The following PFKP variants were observed in gnomAD, a reference collection of about 807,000 sequenced individuals.
PFKP encodes phosphofructokinase, platelet.
Under a neutral mutation model 94.3 loss-of-function variants are expected in PFKP, and 101 were observed. The observed-to-expected ratio is 1.07, with a 90% confidence interval of 0.91 to 1.26. The LOEUF is 1.26. Among genes scored for constraint, PFKP ranks in the 50% most tolerant of loss-of-function variants. PFKP has a pLI of 0.00. For missense variants in PFKP, 1,145 were observed against 1,103.3 expected (o/e 1.04, Z -0.53); for synonymous variants, 573 against 432.6 (o/e 1.32, Z -4.03).
At chr10:3,105,262 T>C in intron 6 of PFKP, 103 bp downstream of exon 6, 2 of 1,362,906 alleles carry the variant, frequency 1.5e-6, no homozygotes, top group Admixed American at 1.7e-5. Flanking sequence ...CCGTGGAAAG[T>C]CCTGAAGGGG....
At chr10:3,114,716 A>G (rs541925157) in intron 13 of PFKP, among the ~76,000 whole-genome samples, 9 of 152,336 alleles carry the variant, frequency 5.9e-5, no homozygotes, top group Non-Finnish European at 2.9e-5. Context: ...GGTGGAGGGA[A>G]AGGATGCTCT....
chr10:3,116,942 T>A (rs1836892886), intron 14 of PFKP, 96 bp downstream of exon 14: 1 of 971,834 alleles, frequency 1.0e-6, no homozygotes, highest in African/African-American at 1.6e-5. Flanking sequence ...CCAGTTGGAT[T>A]CCTGGAAAGG....
intron 3 of PFKP, 149 bp from the exon 4 acceptor site, chr10:3,101,216 C>G: frequency 1.3e-6 from 1 of 763,032 alleles, no homozygotes; most frequent in Non-Finnish European, 2.1e-6. Flanking sequence ...AGGAAAATCA[C>G]AGTCTTTCAT....
intron 3 of PFKP, chr10:3,100,862 C>CA (rs71294492): frequency 0.22 from 141,789 of 636,488 alleles, 10,354 homozygotes; most frequent in East Asian, 0.3. Context: ...GTATGTGGTG[C>CA]AAAAAAAAAA....
chr10:3,098,719 A>G (rs1248317297), intron 2 of PFKP, among the ~76,000 whole-genome samples: 1 of 149,548 alleles, frequency 6.7e-6, no homozygotes, highest in African/African-American at 2.5e-5. Flanking sequence ...TCTTCTATCA[A>G]TGTGTCCTCA....
chr10:3,136,374 T>TCGCTG, intron 21 of PFKP, 76 bp from the exon 22 acceptor site: 7 of 1,522,218 alleles, frequency 4.6e-6, no homozygotes, highest in Non-Finnish European at 6.3e-6. Context: ...GCAAGACCGC[T>TCGCTG]CGCTGTGCTG....
At position 3,067,601 on chromosome 10, in the gene PFKP, C is replaced by G. The variant is rs970665723; in HGVS notation, c.6C>G (p.Asp2Glu). The G allele has an allele frequency of 1.8e-5, 28 of 1,519,368 alleles. No homozygotes were observed. The highest frequency in any genetic ancestry group is 2.5e-5 in the Non-Finnish European group (28 of 1,130,472). 94.1% of individuals were successfully genotyped at this position (1,519,368 alleles called of 1,614,324 possible). A position where few individuals can be genotyped will look rare whatever the true frequency, so the allele number is the denominator to read the frequency against. The change falls in exon 1 of 22, where the codon GAC (aspartate) becomes GAG (glutamate). Residue 2 changes from aspartate to glutamate, a missense_variant. Asp to Glu is a conservative substitution (Grantham distance 45). Coordinates refer to ENST00000381125, the MANE Select transcript of PFKP (RefSeq NM_002627.5). ...CTCCCCTCGGCCTCCTCGCCATGGA[C>G]GCGGACGACTCCCGGGCCCCCAAGG... M[D>E]ADDSRAPKGS...
intron 1 of PFKP, among the ~76,000 whole-genome samples, chr10:3,081,266 T>C (rs775643558): frequency 2.6e-5 from 4 of 152,200 alleles, no homozygotes; most frequent in Non-Finnish European, 4.4e-5. Flanking sequence ...TAATTGAAGA[T>C]TTTTCTAAGC....
chr10:3,095,434 A>C (rs542430082), intron 2 of PFKP, among the ~76,000 whole-genome samples: 1 of 152,318 alleles, frequency 6.6e-6, no homozygotes, highest in South Asian at 2.1e-4. Flanking sequence ...ATGTTCTTAG[A>C]TGTGATCGAA....
chr10:3,136,625 TTTTGTAACAC>T lies in PFKP; in HGVS notation c.*49_*58del. On this transcript the variant is annotated 3_prime_UTR_variant, in exon 22 of 22. Coordinates refer to ENST00000381125, the MANE Select transcript of PFKP (RefSeq NM_002627.5). ...CCTGCAGCCACCGTGGACTGTCTGT[TTTTGTAACAC>T]TTAAGTTATTTTATCAGCACTTTAT... 1 of 1,591,780 alleles carries T rather than the reference TTTTGTAACAC, an allele frequency of 6.3e-7. No individual in the cohort carries two copies.
chr10:3,086,032 C>G (rs1228149068), intron 2 of PFKP, among the ~76,000 whole-genome samples: 1 of 152,034 alleles, frequency 6.6e-6, no homozygotes, highest in African/African-American at 2.4e-5. Flanking sequence ...CTTTGGGAGA[C>G]AGTACCACAC....
At chr10:3,117,534 A>G (rs1450521819) in intron 14 of PFKP, among the ~76,000 whole-genome samples, 2 of 152,222 alleles carry the variant, frequency 1.3e-5, no homozygotes, top group African/African-American at 4.8e-5. Flanking sequence ...TATTGTTCCA[A>G]GGGAGTTAGC....
chr10:3,129,737 G>A, intron 16 of PFKP, 82 bp from the exon 17 acceptor site: 1 of 1,466,996 alleles, frequency 6.8e-7, no homozygotes. Flanking sequence ...GGGCCTTGCT[G>A]CACTCACTCT....
At chr10:3,086,607 G>C (rs1833624439) in intron 2 of PFKP, among the ~76,000 whole-genome samples, 1 of 152,174 alleles carries the variant, frequency 6.6e-6, no homozygotes, top group South Asian at 2.1e-4. Flanking sequence ...GAATGGTCCA[G>C]ACCCAAATGT....
intron 2 of PFKP, among the ~76,000 whole-genome samples, chr10:3,093,932 C>T (rs1020204739): frequency 7.9e-5 from 12 of 152,306 alleles, no homozygotes; most frequent in South Asian, 4.1e-4. Flanking sequence ...CGTGAGCCAC[C>T]GCATCTGTCG....
chr10:3,113,222 C>G (rs1836437891), intron 12 of PFKP, 34 bp downstream of exon 12: 1 of 1,599,998 alleles, frequency 6.3e-7, no homozygotes, highest in African/African-American at 1.3e-5. Context: ...GCCCCGACCT[C>G]TCCTGCGGGC....
intron 2 of PFKP, among the ~76,000 whole-genome samples, chr10:3,091,569 C>CT (rs202066304): frequency 0.028 from 4,330 of 152,222 alleles, 74 homozygotes; most frequent in Middle Eastern, 0.044. Flanking sequence ...AGTCCCAGTA[C>CT]TTTGGGAGGC....
intron 1 of PFKP, among the ~76,000 whole-genome samples, chr10:3,076,513 C>T (rs1296937873): frequency 6.6e-6 from 1 of 152,132 alleles, no homozygotes; most frequent in African/African-American, 2.4e-5. Context: ...CTCCGATTGT[C>T]AATGGCAGCC....
intron 14 of PFKP, among the ~76,000 whole-genome samples, chr10:3,117,644 C>T (rs553570648): frequency 9.9e-5 from 15 of 152,262 alleles, no homozygotes; most frequent in African/African-American, 2.9e-4. Flanking sequence ...AGCTGCCTCC[C>T]GGCTGTTCTC....
Sources: allele counts gnomAD v4.1 joint callset (sites outside exome capture counted in the v4.1 genomes callset), GRCh38; gene constraint gnomAD v4.1.1; transcripts MANE v1.5; gene names NCBI Gene and HGNC (gene_info 2026-07-23, HGNC 2026-07-21).